FMNL2: variants seen among roughly 807,000 people sequenced by gnomAD.
The protein encoded by FMNL2 is formin like 2, also known as formin-like protein 2.
Under a neutral mutation model 130.2 loss-of-function variants are expected in FMNL2, and 51 were observed. The observed-to-expected ratio is 0.39, with a 90% CI of 0.31 to 0.49. FMNL2 has a LOEUF of 0.49. Ranked by LOEUF, FMNL2 falls within the 20% of genes least tolerant of loss-of-function variation. FMNL2 has a pLI of 0.85. For synonymous variants in FMNL2, 465 were observed against 467.1 expected, an observed-to-expected ratio of 1.00 and a Z score of 0.06; for missense variants, 977 against 1,316.2, an observed-to-expected ratio of 0.74 and a Z score of 3.99.
intron 1 of FMNL2, among the ~76,000 whole-genome samples, 199 bp from the exon 2 acceptor site, chr2:152,521,744 T>C (rs934788566): frequency 1.3e-5 from 2 of 152,190 alleles, no homozygotes; most frequent in African/African-American, 4.8e-5. Flanking sequence ...ACCATAGAAC[T>C]TCAGAATTTC....
At chr2:152,393,374 A>C (rs138979939) in intron 1 of FMNL2, among the ~76,000 whole-genome samples, 4 of 152,334 alleles carry the variant, frequency 2.6e-5, no homozygotes, top group Admixed American at 6.5e-5. Flanking sequence ...TACCATAATA[A>C]ATGTCTTTAT....
intron 1 of FMNL2, among the ~76,000 whole-genome samples, chr2:152,369,380 G>A (rs1317720336): frequency 6.6e-6 from 1 of 152,194 alleles, no homozygotes; most frequent in Non-Finnish European, 1.5e-5. Flanking sequence ...TGGCTGATTG[G>A]CAAATAAAAC....
At chr2:152,599,531 G>T (rs912207305) in intron 9 of FMNL2, among the ~76,000 whole-genome samples, 2 of 145,300 alleles carry the variant, frequency 1.4e-5, no homozygotes, top group African/African-American at 5.0e-5. Context: ...TCTGTCTTTG[G>T]GTTCTTTATT....
chr2:152,579,767 T>C (rs1696678533), intron 8 of FMNL2, among the ~76,000 whole-genome samples: 1 of 152,242 alleles, frequency 6.6e-6, no homozygotes, highest in African/African-American at 2.4e-5. Context: ...ATTCACCACC[T>C]TGTAAAGGCT....
intron 4 of FMNL2, among the ~76,000 whole-genome samples, chr2:152,550,598 CG>C (rs1456238560): frequency 6.6e-6 from 1 of 152,060 alleles, no homozygotes; most frequent in Non-Finnish European, 1.5e-5. Context: ...TGCTGGCAGC[CG>C]TTTCCCTGAA....
rs540983946 is a variant in FMNL2, at chr2:152,522,478, G to A, written c.201+452G>A. Among the ~76,000 whole-genome samples the A allele has an allele frequency of 3.9e-5, 6 of 152,268 alleles. No homozygotes were observed. In the South Asian group the frequency reaches 1.2e-3, roughly 32 times the overall value. ...GAGAAAGTTATATCAAGTTGATATG[G>A]TTTGGCTGTGTCCCCACTCAAATCT... On this transcript the variant is annotated intron_variant, in intron 2 of 25. Transcript: ENST00000288670.
chr2:152,454,848 G>A (rs1300535201), intron 1 of FMNL2, among the ~76,000 whole-genome samples: 1 of 152,226 alleles, frequency 6.6e-6, no homozygotes, highest in African/African-American at 2.4e-5. Context: ...TCAGAGAAGA[G>A]CACTGACTGC....
intron 21 of FMNL2, among the ~76,000 whole-genome samples, chr2:152,633,265 T>C (rs1187913867): frequency 6.6e-6 from 1 of 151,974 alleles, no homozygotes; most frequent in East Asian, 1.9e-4. Context: ...CCAGCTAATT[T>C]TTAAAATTTT....
chr2:152,576,444 G>A (rs1432626462), intron 7 of FMNL2, among the ~76,000 whole-genome samples: 1 of 152,108 alleles, frequency 6.6e-6, no homozygotes, highest in African/African-American at 2.4e-5. Flanking sequence ...CACTTTTCAG[G>A]TCTAGTGCTT....
At chr2:152,639,042 C>T (rs1682864654) in intron 23 of FMNL2, among the ~76,000 whole-genome samples, 1 of 61,472 alleles carries the variant, frequency 1.6e-5, no homozygotes, top group Non-Finnish European at 3.6e-5. Flanking sequence ...CCTTCCACCT[C>T]ACTGTTCCTC....
intron 1 of FMNL2, among the ~76,000 whole-genome samples, chr2:152,337,890 A>G (rs963269795): frequency 1.1e-4 from 16 of 152,116 alleles, no homozygotes; most frequent in African/African-American, 3.9e-4. Flanking sequence ...CTAGGGACGC[A>G]TTTGGACCAT....
intron 1 of FMNL2, among the ~76,000 whole-genome samples, chr2:152,380,270 G>A (rs971623894): frequency 6.6e-6 from 1 of 152,186 alleles, no homozygotes; most frequent in African/African-American, 2.4e-5. Context: ...AAATGTGTTT[G>A]AACCAAAGGC....
In FMNL2 at chr2:152,593,623, A is replaced by G. The variant is rs145367353; in HGVS notation, c.876+12574A>G. 3.8e-4 allele frequency among the ~76,000 whole-genome samples: 58 copies of G among 152,366 alleles called. No individual in the cohort carries two copies. The East Asian group carries it at 9.4e-3, about 25-fold the overall frequency. On this transcript the variant is annotated intron_variant, in intron 9 of 25. Coordinates refer to ENST00000288670, the MANE Select transcript of FMNL2 (RefSeq NM_052905.4). ...GAATATGAGAATGGACACGAGGAGA[A>G]TAAGAATCTGTTCAAATAATATACA... is the stretch of plus-strand genomic sequence containing the variant.
At chr2:152,463,393 C>T (rs913451527) in intron 1 of FMNL2, among the ~76,000 whole-genome samples, 12 of 152,142 alleles carry the variant, frequency 7.9e-5, no homozygotes, top group Non-Finnish European at 1.5e-4. Flanking sequence ...CTGAAGGTCA[C>T]ACATCTTATT....
chr2:152,623,342 C>T (rs539139799), intron 15 of FMNL2, among the ~76,000 whole-genome samples: 17 of 152,176 alleles, frequency 1.1e-4, no homozygotes, highest in Non-Finnish European at 2.1e-4. Flanking sequence ...TTTGTCCCAT[C>T]GAGAACATCT....
chr2:152,381,440 C>A (rs1469581602), intron 1 of FMNL2, among the ~76,000 whole-genome samples: 3 of 152,130 alleles, frequency 2.0e-5, no homozygotes, highest in Non-Finnish European at 2.9e-5. Context: ...GTTGGGGAGA[C>A]AATGAGAGGA....
intron 1 of FMNL2, among the ~76,000 whole-genome samples, chr2:152,364,243 C>G (rs1683355783): frequency 7.2e-6 from 1 of 139,566 alleles, no homozygotes; most frequent in Non-Finnish European, 1.5e-5. Flanking sequence ...AGTTTCACAT[C>G]CGTTAGGAGG....
At chr2:152,462,033 C>A in intron 1 of FMNL2, among the ~76,000 whole-genome samples, 1 of 152,086 alleles carries the variant, frequency 6.6e-6, no homozygotes, top group Non-Finnish European at 1.5e-5. Context: ...GTAACTGGGA[C>A]TAGAGGTGTG....
intron 1 of FMNL2, among the ~76,000 whole-genome samples, chr2:152,380,515 C>T (rs949498620): frequency 1.3e-5 from 2 of 152,182 alleles, no homozygotes; most frequent in African/African-American, 4.8e-5. Context: ...GAAGCCAGAG[C>T]GAAGTGAAGG....
Sources: gnomAD v4.1 joint callset for allele counts (sites outside exome capture counted in the v4.1 genomes callset) on GRCh38, gnomAD v4.1.1 for gene constraint, MANE v1.5 for transcripts, NCBI Gene and HGNC (gene_info 2026-07-23, HGNC 2026-07-21) for gene names.